Variants in ARHGEF10 observed in about 807,000 individuals in gnomAD.
ARHGEF10 encodes Rho guanine nucleotide exchange factor 10, also known as Rho guanine nucleotide exchange factor (GEF) 10.
ARHGEF10 carries 140 observed loss-of-function variants against 147.4 expected under a neutral mutation model. The ratio of observed to expected loss-of-function variants is 0.95; its 90% CI spans 0.83 to 1.09. ARHGEF10 has a LOEUF of 1.09. ARHGEF10 is among the 50% of genes least tolerant of loss of function. The pLI is 0.00. For synonymous variants in ARHGEF10, 902 were observed against 695.8 expected (o/e 1.30, Z -4.67); for missense variants, 2,222 against 1,752.7 (o/e 1.27, Z -4.78).
chr8:1,900,881 C>A (rs3758013), intron 15 of ARHGEF10, among the ~76,000 whole-genome samples: 5 of 151,958 alleles, frequency 3.3e-5, no homozygotes, highest in South Asian at 2.1e-4. Context: ...TAGAATTTCC[C>A]ACACAGGGTC....
intron 7 of ARHGEF10, chr8:1,870,279 T>G (rs1453232412): frequency 3.3e-5 from 5 of 150,702 alleles, no homozygotes; most frequent in African/African-American, 1.2e-4. Context: ...TGGTCCAGTT[T>G]GCGTTTTATG....
chr8:1,897,885 G>C (rs767407735), intron 14 of ARHGEF10, among the ~76,000 whole-genome samples: 5 of 152,072 alleles, frequency 3.3e-5, no homozygotes, highest in Non-Finnish European at 5.9e-5. Context: ...CCAAAGAGTC[G>C]GGTGCCCTGT....
At chr8:1,830,096 G>A (rs924267495) in intron 1 of ARHGEF10, among the ~76,000 whole-genome samples, 1 of 152,218 alleles carries the variant, frequency 6.6e-6, no homozygotes, top group Non-Finnish European at 1.5e-5. Flanking sequence ...CCACTTCCCC[G>A]CTCCGTTCTG....
intron 27 of ARHGEF10, among the ~76,000 whole-genome samples, chr8:1,951,402 A>G (rs574673060): frequency 6.6e-6 from 1 of 152,386 alleles, no homozygotes; most frequent in South Asian, 2.1e-4. Flanking sequence ...GACCAGGCCA[A>G]CATTCAGAAT....
At position 1,858,183 on chromosome 8, in the gene ARHGEF10, C is replaced by A. The variant is rs534718210; in HGVS notation, c.193+68C>A. On this transcript the variant is annotated intron_variant, in intron 3 of 28. Transcript: ENST00000349830. The stretch of plus-strand genomic sequence containing the variant: ...CCCCAGGTGAGTCCCCAGGTGGGTC[C>A]CCATGTGAGTCACCAGGTGAGTTCC... The A allele has an allele frequency of 3.3e-3, 4,599 of 1,405,750 alleles. 2 individuals are homozygous for A. The highest frequency in any genetic ancestry group is 5.9e-3 in the African/African-American group (361 of 61,038). 87.1% of individuals were successfully genotyped at this position (1,405,750 alleles called of 1,614,324 possible).
chr8:1,910,604 C>A (rs376749482), intron 18 of ARHGEF10, among the ~76,000 whole-genome samples: 1 of 152,044 alleles, frequency 6.6e-6, no homozygotes, highest in South Asian at 2.1e-4. Flanking sequence ...GTATGGAGAG[C>A]GAGAGGGAGG....
rs1812694166 is a variant in ARHGEF10, at chr8:1,926,384, G to A, written c.2618G>A (p.Cys873Tyr). The A allele has an allele frequency of 6.2e-7, 1 of 1,613,618 alleles. No individual in the cohort carries two copies. The highest frequency in any genetic ancestry group is 8.5e-7 in the Non-Finnish European group (1 of 1,179,614). ...VAKQQEFKIE[C>Y]AAYNPEPYLN... ...GATTTTATTCCATTTTAGATTGAATGTGCTGCTTATAACCCTGAACCTTAC... is the reference window on the plus strand; with the variant it reads ...GATTTTATTCCATTTTAGATTGAATATGCTGCTTATAACCCTGAACCTTAC... Residue 873 changes from cysteine to tyrosine, a missense_variant, in exon 23 of 29, where the codon TGT becomes TAT. Transcript: ENST00000349830.
At chr8:1,825,966 A>G in intron 1 of ARHGEF10, 1 of 681,478 alleles carries the variant, frequency 1.5e-6, no homozygotes, top group Admixed American at 2.8e-5. Context: ...AATAATTTTT[A>G]TTCGAAAAGA....
At chr8:1,904,941 C>T (rs1381974286) in intron 16 of ARHGEF10, among the ~76,000 whole-genome samples, 2 of 152,096 alleles carry the variant, frequency 1.3e-5, no homozygotes, top group Non-Finnish European at 2.9e-5. Flanking sequence ...ACCAACATGA[C>T]AAAACCCCGT....
Position 1,882,749 on chromosome 8 carries a change from G to T in ARHGEF10, c.1075G>T (p.Asp359Tyr). Residue 359 changes from aspartate to tyrosine, a missense_variant and splice_region_variant, in exon 10 of 29, where the codon GAT becomes TAT. Coordinates refer to ENST00000349830, the MANE Select transcript of ARHGEF10 (RefSeq NM_014629.4). ...CAGGACCAAGTCTCTCATCGCACAGGGTCCGTGCCTGCAGGTCTTCTTGCG... is the reference window on the plus strand; with the variant it reads ...CAGGACCAAGTCTCTCATCGCACAGTGTCCGTGCCTGCAGGTCTTCTTGCG... ...FIRTKSLIAQ[D>Y]HRSSLEEEQN... 6.5e-7 allele frequency: 1 copy of T among 1,550,156 alleles called. No individual in the cohort carries two copies. The highest frequency in any genetic ancestry group is 1.2e-5 in the South Asian group (1 of 84,048).
At chr8:1,856,692 C>T (rs1431770548) in intron 2 of ARHGEF10, among the ~76,000 whole-genome samples, 2 of 152,198 alleles carry the variant, frequency 1.3e-5, no homozygotes, top group East Asian at 3.9e-4. Flanking sequence ...GCTGGGCCGT[C>T]CTGCTTGGGT....
intron 9 of ARHGEF10, among the ~76,000 whole-genome samples, chr8:1,881,651 G>A (rs1411228648): frequency 6.6e-6 from 1 of 152,148 alleles, no homozygotes; most frequent in Non-Finnish European, 1.5e-5. Flanking sequence ...GTTGTGTGGT[G>A]TTCATGGTGA....
intron 2 of ARHGEF10, among the ~76,000 whole-genome samples, chr8:1,849,771 A>G (rs549883669): frequency 7.0e-6 from 1 of 143,482 alleles, no homozygotes; most frequent in Non-Finnish European, 1.5e-5. Flanking sequence ...CCACGTGGAC[A>G]TAGAGGGCAA....
intron 12 of ARHGEF10, 28 bp downstream of exon 12, chr8:1,893,674 A>G (rs1221299411): frequency 4.2e-6 from 6 of 1,417,338 alleles, no homozygotes. Flanking sequence ...TACATAATAC[A>G]TACATTTCTA....
intron 28 of ARHGEF10, among the ~76,000 whole-genome samples, chr8:1,954,285 G>C (rs982981925): frequency 6.6e-6 from 1 of 151,972 alleles, no homozygotes; most frequent in Non-Finnish European, 1.5e-5. Context: ...GTAGAGGTGG[G>C]GTTTCATCAT....
At chr8:1,951,635 T>C (rs1815057061) in intron 27 of ARHGEF10, among the ~76,000 whole-genome samples, 1 of 152,214 alleles carries the variant, frequency 6.6e-6, no homozygotes, top group Admixed American at 6.5e-5. Context: ...AAATAGCTTT[T>C]ATATCTACAG....
rs548442576 is a variant in ARHGEF10 at position 1,876,734 on chromosome 8, A to G, written c.843A>G (p.Gln281=). The G allele has an allele frequency of 1.2e-6, 2 of 1,614,168 alleles. No homozygotes were observed. Among genetic ancestry groups the G allele is most frequent in the Non-Finnish European group, 1.7e-6 (2 of 1,180,012 alleles). The change falls in exon 8 of 29, where the codon CAA becomes CAG. Residue 281 remains glutamine (Q), a splice_region_variant and synonymous_variant. Transcript: ENST00000349830. ...TCCTGCGCAGCAACCACAAAAAGCA[A>G]GTACGTGTTCCCTGCACATGTGAGG... is the stretch of plus-strand genomic sequence containing the variant. ...RSFLRSNHKK[Q]LSHDLTRLKE... is the part of the protein sequence containing the mutation.
At chr8:1,846,225 C>T (rs1312612988) in intron 2 of ARHGEF10, among the ~76,000 whole-genome samples, 2 of 152,276 alleles carry the variant, frequency 1.3e-5, no homozygotes, top group African/African-American at 4.8e-5. Flanking sequence ...CCCTTGCTGA[C>T]AGGCCACATG....
rs976960709 is a variant in ARHGEF10 at position 1,857,926 on chromosome 8, C to T, written c.38-34C>T. On this transcript the variant is annotated intron_variant, in intron 2 of 28. Coordinates refer to ENST00000349830, the MANE Select transcript of ARHGEF10 (RefSeq NM_014629.4). ...TCTATCTATCTATCTATCTATCTAT[C>T]TCTCCTTGATGTGGTTTTGGTTTTT... 45 of 1,522,428 alleles carry T rather than the reference C, an allele frequency of 3.0e-5. No homozygotes were observed. The East Asian group carries it at 9.7e-4, about 33-fold the overall frequency. 94.3% of individuals were successfully genotyped at this position (1,522,428 alleles called of 1,614,324 possible). A position where few individuals can be genotyped will look rare whatever the true frequency, so the allele number is the denominator to read the frequency against.
Sources: gnomAD v4.1 joint callset for allele counts (sites outside exome capture counted in the v4.1 genomes callset) on GRCh38, gnomAD v4.1.1 for gene constraint, MANE v1.5 for transcripts, NCBI Gene and HGNC (gene_info 2026-07-23, HGNC 2026-07-21) for gene names.